Variants in KARS1 observed in about 807,000 individuals in gnomAD.
The protein encoded by KARS1 is lysine--tRNA ligase.
In KARS1, 50 loss-of-function variants were observed where a neutral mutation model predicts 63.9. The ratio of observed to expected loss-of-function variants is 0.78; its 90% confidence interval spans 0.62 to 0.99. The LOEUF (loss-of-function observed/expected upper bound fraction) is 0.99. KARS1 is among the 50% of genes least tolerant of loss of function. The pLI, the probability that KARS1 is intolerant of heterozygous loss-of-function variation, is 0.00. For missense variants in KARS1, 816 were observed against 754.5 expected, an observed-to-expected ratio of 1.08 and a Z score of -0.95; for synonymous variants, 320 against 264.6, an observed-to-expected ratio of 1.21 and a Z score of -2.03.
intron 3 of KARS1, among the ~76,000 whole-genome samples, chr16:75,636,918 G>A (rs906604295): frequency 1.3e-5 from 2 of 151,110 alleles, no homozygotes; most frequent in Non-Finnish European, 2.9e-5. Context: ...GGGATTACAG[G>A]TGTGAGCCCC....
At chr16:75,633,974 G>T (rs960095696) in intron 7 of KARS1, 199 bp downstream of exon 7, 1 of 640,004 alleles carries the variant, frequency 1.6e-6, no homozygotes, top group Non-Finnish European at 2.9e-6. Context: ...AACCCCTTTG[G>T]TCTCTGCCCT....
At chr16:75,628,038 A>G in intron 13 of KARS1, 45 bp from the exon 14 acceptor site, 1 of 1,090,924 alleles carries the variant, frequency 9.2e-7, no homozygotes, top group African/African-American at 1.5e-5. Flanking sequence ...AGCACTCTCA[A>G]CATTTTTTCA....
At chr16:75,630,796 A>G (rs1188803362) in intron 10 of KARS1, among the ~76,000 whole-genome samples, 1 of 151,886 alleles carries the variant, frequency 6.6e-6, no homozygotes, top group African/African-American at 2.4e-5. Context: ...CACCATACCC[A>G]GCTCATTTTT....
intron 7 of KARS1, 55 bp from the exon 8 acceptor site, chr16:75,631,910 G>A: frequency 6.2e-7 from 1 of 1,601,106 alleles, no homozygotes; most frequent in Non-Finnish European, 8.5e-7. Context: ...TTTTTGAGAT[G>A]GAGTTTTGCT....
chr16:75,634,384 A>G (rs1055405418), intron 6 of KARS1, 92 bp from the exon 7 acceptor site: 1 of 1,315,712 alleles, frequency 7.6e-7, no homozygotes, highest in Non-Finnish European at 1.1e-6. Context: ...TAAGCCTGTT[A>G]TACCCCAAAC....
chr16:75,628,630 G>C lies in KARS1; in HGVS notation c.1634C>G (p.Ala545Gly). ...TALEYGLPPTAGWGMGIDRVA... is the reference protein window; with the variant it reads ...TALEYGLPPTGGWGMGIDRVA... Reference sequence around the variant, plus strand: ...TCGATCAATGCCCATGCCCCAGCCAGCTGTGGGGGGCAGCCCATATTCCAG... The same window carrying C: ...TCGATCAATGCCCATGCCCCAGCCACCTGTGGGGGGCAGCCCATATTCCAG... Residue 545 changes from alanine to glycine, a missense_variant, in exon 13 of 14, where the codon GCT becomes GGT. Physicochemically the swap from Ala to Gly is moderately conservative, Grantham distance 60 (BLOSUM62 0). Coordinates refer to ENST00000302445, the MANE Select transcript of KARS1 (RefSeq NM_005548.3). 2 of 1,614,188 alleles carry C rather than the reference G, an allele frequency of 1.2e-6. No homozygotes were observed. The highest frequency in any genetic ancestry group is 1.7e-6 in the Non-Finnish European group (2 of 1,180,036).
At chr16:75,646,404 G>C (rs2082283775) in intron 1 of KARS1, among the ~76,000 whole-genome samples, 1 of 151,950 alleles carries the variant, frequency 6.6e-6, no homozygotes, top group African/African-American at 2.4e-5. Flanking sequence ...GGCCAGCCAT[G>C]GTGGCACACG....
Position 75,638,197 on chromosome 16 carries a change from C to A in KARS1, c.389-1650G>T, listed in dbSNP as rs2082184759. On this transcript the variant is annotated intron_variant, in intron 3 of 13. Coordinates refer to ENST00000302445, the MANE Select transcript of KARS1 (RefSeq NM_005548.3). Reference sequence around the variant, plus strand: ...AATAAAAGCACTCAAGACAGACATGCTTAGAAAAACAAAAAGTTCCTTTTT... The same window carrying A: ...AATAAAAGCACTCAAGACAGACATGATTAGAAAAACAAAAAGTTCCTTTTT... Among the ~76,000 whole-genome samples the A allele has an allele frequency of 2.0e-5, 3 of 149,382 alleles. No individual in the cohort carries two copies. The South Asian group carries it at 6.4e-4, about 32-fold the overall frequency.
At position 75,628,570 on chromosome 16, in the gene KARS1, T is replaced by A. The variant is rs772849634; in HGVS notation, c.1694A>T (p.Lys565Met). ...GCTCTGTGGAGGGTTGCTACGTACC[T>A]TGATGTTGTTGGAGTCCGTGAGAAA... is the stretch of plus-strand genomic sequence containing the variant. The part of the protein sequence containing the change: ...AMFLTDSNNI[K>M]EVLLFPAMKP... The change falls in exon 13 of 14, where the codon AAG becomes ATG. Residue 565 changes from lysine to methionine, a missense_variant and splice_region_variant. Physicochemically the swap from Lys to Met is moderately conservative, Grantham distance 95. Coordinates refer to ENST00000302445, the MANE Select transcript of KARS1 (RefSeq NM_005548.3). 6.2e-7 allele frequency: 1 copy of A among 1,613,622 alleles called. No homozygotes were observed. Among genetic ancestry groups the A allele is most frequent in the African/African-American group, 1.3e-5 (1 of 74,908 alleles).
Position 75,634,182 on chromosome 16 carries a change from G to T in KARS1, c.906C>A (p.Leu302=), listed in dbSNP as rs758174482. Residue 302 remains leucine, a synonymous_variant, in exon 7 of 14, where the codon CTC becomes CTA. Coordinates refer to ENST00000302445, the MANE Select transcript of KARS1 (RefSeq NM_005548.3). The stretch of plus-strand genomic sequence containing the variant: ...TACTATTACTGACTACCTTATGATA[G>T]AGTTCTGGAGCAATTCTCATATATA... ...MNLYMRIAPE[L]YHKMLVVGGI... 3 of 1,613,854 alleles carry T rather than the reference G, an allele frequency of 1.9e-6. No individual in the cohort carries two copies. The highest frequency in any genetic ancestry group is 2.5e-6 in the Non-Finnish European group (3 of 1,179,824).
intron 3 of KARS1, among the ~76,000 whole-genome samples, chr16:75,639,314 G>C (rs1016957510): frequency 6.6e-6 from 1 of 152,068 alleles, no homozygotes; most frequent in African/African-American, 2.4e-5. Context: ...GCTCACGCCT[G>C]TAATCCCAGC....
At chr16:75,644,800 C>T (rs2082263328) in intron 1 of KARS1, among the ~76,000 whole-genome samples, 2 of 152,122 alleles carry the variant, frequency 1.3e-5, no homozygotes, top group Non-Finnish European at 2.9e-5. Flanking sequence ...TGGTTTCTCA[C>T]CTGGAGAGGA....
In KARS1 at chr16:75,629,426, C is replaced by A. The variant is rs372025031; in HGVS notation, c.1540G>T (p.Glu514Ter). The A allele has an allele frequency of 3.7e-6, 6 of 1,613,928 alleles. No individual in the cohort carries two copies. The African/African-American group carries it at 8.0e-5, about 22-fold the overall frequency. ...GTCCCCTTTCTCACCTTGGCCTGTT[C>A]TTCAAAAAGCTGCCGCTGCCGCATG... Reference protein sequence around the residue: ...DPMRQRQLFEEQAKAKAAGDD... With the variant: ...DPMRQRQLFE The change falls in exon 12 of 14, where the codon GAA (glutamate) becomes TAA (stop). Residue 514 changes from glutamate to a stop codon, truncating the protein, a stop_gained. Transcript: ENST00000302445. LOFTEE classifies it high-confidence loss of function.
chr16:75,631,077 G>T, intron 10 of KARS1, 91 bp downstream of exon 10: 1 of 964,060 alleles, frequency 1.0e-6, no homozygotes, highest in South Asian at 1.4e-5. Flanking sequence ...CTGCAGAAAT[G>T]AACTCTCCCC....
intron 6 of KARS1, among the ~76,000 whole-genome samples, 155 bp from the exon 7 acceptor site, chr16:75,634,447 CTA>C (rs1399090568): frequency 6.6e-6 from 1 of 152,228 alleles, no homozygotes; most frequent in Non-Finnish European, 1.5e-5. Flanking sequence ...AAAAAGGACA[CTA>C]TGATTTTCTA....
At chr16:75,644,685 G>A (rs1293860714) in intron 1 of KARS1, among the ~76,000 whole-genome samples, 3 of 152,120 alleles carry the variant, frequency 2.0e-5, no homozygotes, top group Non-Finnish European at 4.4e-5. Context: ...TGCATATCTG[G>A]GGTAAAGCCA....
chr16:75,644,768 C>T (rs1169989380), intron 1 of KARS1, among the ~76,000 whole-genome samples: 1 of 152,208 alleles, frequency 6.6e-6, no homozygotes, highest in Non-Finnish European at 1.5e-5. Context: ...GGATGTGAGG[C>T]ACTTTCTGAA....
intron 6 of KARS1, among the ~76,000 whole-genome samples, chr16:75,634,546 A>G (rs1167808168): frequency 6.6e-6 from 1 of 152,188 alleles, no homozygotes; most frequent in Non-Finnish European, 1.5e-5. Context: ...ATCTAAATGG[A>G]TATAGCCTTT....
intron 3 of KARS1, 118 bp downstream of exon 3, chr16:75,640,066 A>C (rs1449753443): frequency 1.6e-5 from 13 of 831,084 alleles, no homozygotes; most frequent in Non-Finnish European, 2.5e-5. Context: ...TCCTTAGTAA[A>C]GTAGCTTCAG....
Sources: allele counts gnomAD v4.1 joint callset (sites outside exome capture counted in the v4.1 genomes callset), GRCh38; gene constraint gnomAD v4.1.1; transcripts MANE v1.5; gene names NCBI Gene and HGNC (gene_info 2026-07-23, HGNC 2026-07-21).